CPQ: variants seen among roughly 807,000 people sequenced by gnomAD.
The protein encoded by CPQ is carboxypeptidase Q.
Under a neutral mutation model 45.7 loss-of-function variants are expected in CPQ, and 37 were observed. The ratio of observed to expected loss-of-function variants is 0.81; its 90% CI spans 0.62 to 1.07. The LOEUF (loss-of-function observed/expected upper bound fraction) is 1.07, where lower values mean the gene tolerates loss of function less well. CPQ is among the 50% of genes least tolerant of loss of function. CPQ has a pLI of 0.00. For synonymous variants in CPQ, 186 were observed against 205.8 expected (o/e 0.90, Z 0.82); for missense variants, 537 against 572.9 (o/e 0.94, Z 0.64).
At chr8:96,818,925 A>G (rs539513289) in intron 2 of CPQ, among the ~76,000 whole-genome samples, 253 of 152,076 alleles carry the variant, frequency 1.7e-3, no homozygotes, top group Non-Finnish European at 3.1e-3. Context: ...TGTTAATTCT[A>G]TTTCTAAAAT....
chr8:96,801,111 G>A (rs1586406205), intron 2 of CPQ, among the ~76,000 whole-genome samples: 3 of 152,000 alleles, frequency 2.0e-5, no homozygotes, highest in African/African-American at 7.3e-5. Flanking sequence ...GAGTAGCTGG[G>A]ATTACAGGCG....
intron 7 of CPQ, among the ~76,000 whole-genome samples, chr8:97,094,772 C>T (rs1009120641): frequency 6.0e-5 from 9 of 150,220 alleles, no homozygotes; most frequent in Admixed American, 6.0e-4. Flanking sequence ...TATATATATA[C>T]AGCTTTACCC....
At chr8:96,676,428 A>G (rs1399797744) in intron 1 of CPQ, among the ~76,000 whole-genome samples, 1 of 151,974 alleles carries the variant, frequency 6.6e-6, no homozygotes, top group Non-Finnish European at 1.5e-5. Flanking sequence ...TGCCTGACTT[A>G]TTTCACTTAA....
At chr8:97,015,462 G>A (rs999774984) in intron 5 of CPQ, among the ~76,000 whole-genome samples, 1 of 151,218 alleles carries the variant, frequency 6.6e-6, no homozygotes, top group Non-Finnish European at 1.5e-5. Flanking sequence ...GCCAGGCATC[G>A]GATATAAACT....
intron 4 of CPQ, among the ~76,000 whole-genome samples, chr8:96,919,129 CT>C (rs149999281): frequency 6.6e-5 from 10 of 150,942 alleles, no homozygotes; most frequent in East Asian, 2.0e-4. Context: ...TGTCTTTCGC[CT>C]TTTTTTTTGT....
intron 4 of CPQ, among the ~76,000 whole-genome samples, chr8:96,900,137 C>A (rs553446430): frequency 2.6e-5 from 4 of 152,274 alleles, no homozygotes; most frequent in African/African-American, 7.2e-5. Flanking sequence ...GTTTTGTTAA[C>A]TTGCTCATGC....
chr8:96,910,485 T>G (rs895831826), intron 4 of CPQ, among the ~76,000 whole-genome samples: 1 of 152,132 alleles, frequency 6.6e-6, no homozygotes, highest in Admixed American at 6.5e-5. Context: ...ATGAAGTAGG[T>G]GAAATAGTGT....
intron 1 of CPQ, among the ~76,000 whole-genome samples, chr8:96,771,117 ATATATTTT>A (rs1810538755): frequency 6.8e-6 from 1 of 147,092 alleles, no homozygotes; most frequent in South Asian, 2.1e-4. Flanking sequence ...ATATATATTT[ATATATTTT>A]AATGTTTATA....
intron 3 of CPQ, among the ~76,000 whole-genome samples, chr8:96,838,139 T>C (rs1811555381): frequency 2.0e-5 from 3 of 152,184 alleles, no homozygotes; most frequent in Admixed American, 2.0e-4. Flanking sequence ...TTTTTGGTAT[T>C]TCCACATACA....
chr8:97,127,661 C>A (rs969448930), intron 7 of CPQ, among the ~76,000 whole-genome samples: 1 of 151,714 alleles, frequency 6.6e-6, no homozygotes, highest in South Asian at 2.1e-4. Flanking sequence ...TGCACTCCAG[C>A]GTGGGTGACA....
At chr8:96,888,428 GA>G (rs200887769) in intron 4 of CPQ, among the ~76,000 whole-genome samples, 3 of 151,752 alleles carry the variant, frequency 2.0e-5, no homozygotes, top group Non-Finnish European at 4.4e-5. Flanking sequence ...ACTGAAAGAT[GA>G]AAAAAAATAC....
At chr8:97,105,286 G>T (rs1056556756) in intron 7 of CPQ, among the ~76,000 whole-genome samples, 1 of 152,106 alleles carries the variant, frequency 6.6e-6, no homozygotes, top group Admixed American at 6.5e-5. Flanking sequence ...GACAACTCTG[G>T]ATACCTCATC....
At chr8:97,087,823 C>T (rs1404743529) in intron 7 of CPQ, among the ~76,000 whole-genome samples, 1 of 152,158 alleles carries the variant, frequency 6.6e-6, no homozygotes, top group Non-Finnish European at 1.5e-5. Context: ...TATTCATAGT[C>T]TGTACCTAGT....
At chr8:97,128,885 A>T (rs1241680187) in intron 7 of CPQ, among the ~76,000 whole-genome samples, 2 of 152,170 alleles carry the variant, frequency 1.3e-5, no homozygotes, top group African/African-American at 4.8e-5. Flanking sequence ...GGACTAGAGA[A>T]GTTCTTTCCC....
intron 7 of CPQ, among the ~76,000 whole-genome samples, chr8:97,129,657 A>T (rs1722217658): frequency 1.3e-5 from 2 of 152,190 alleles, no homozygotes; most frequent in Admixed American, 1.3e-4. Context: ...TAACATACCC[A>T]TAAACAATCT....
At chr8:96,751,957 G>T (rs1810268083) in intron 1 of CPQ, among the ~76,000 whole-genome samples, 1 of 152,036 alleles carries the variant, frequency 6.6e-6, no homozygotes, top group African/African-American at 2.4e-5. Flanking sequence ...TAGGTGTGTG[G>T]TCTTATTTTT....
intron 4 of CPQ, among the ~76,000 whole-genome samples, chr8:96,939,724 A>T (rs1463802993): frequency 6.6e-6 from 1 of 151,974 alleles, no homozygotes; most frequent in African/African-American, 2.4e-5. Flanking sequence ...CTGTTGATGG[A>T]CTTTTGGGTC....
intron 1 of CPQ, among the ~76,000 whole-genome samples, chr8:96,758,913 T>C (rs746041298): frequency 4.7e-4 from 72 of 152,188 alleles, no homozygotes; most frequent in Non-Finnish European, 8.8e-4. Context: ...CTCCGTATAA[T>C]ACATGTTTCA....
intron 3 of CPQ, among the ~76,000 whole-genome samples, chr8:96,853,005 T>A (rs1422710580): frequency 6.6e-6 from 1 of 152,238 alleles, no homozygotes; most frequent in Non-Finnish European, 1.5e-5. Context: ...TGTGGGCACA[T>A]ATTTGAAGAA....
Sources: allele counts gnomAD v4.1 joint callset (sites outside exome capture counted in the v4.1 genomes callset), GRCh38; gene constraint gnomAD v4.1.1; transcripts MANE v1.5; gene names NCBI Gene and HGNC (gene_info 2026-07-23, HGNC 2026-07-21).